Variants in PSMB2 observed in about 807,000 individuals in gnomAD.
PSMB2 encodes the protein proteasome 20S subunit beta 2, also known as proteasome subunit beta type-2.
In PSMB2, 13 loss-of-function variants were observed where a neutral mutation model predicts 25.7. The ratio of observed to expected loss-of-function variants is 0.51; its 90% CI spans 0.33 to 0.80. PSMB2 has a LOEUF of 0.80. Among genes scored for constraint, PSMB2 ranks in the 30% least tolerant of loss-of-function variants. The probability of loss-of-function intolerance (pLI) is 0.02; values close to 1 mark genes in which losing one functional copy is unlikely to be tolerated. For missense variants in PSMB2, 202 were observed against 259.0 expected (o/e 0.78, Z 1.51); for synonymous variants, 87 against 96.2 (o/e 0.90, Z 0.56).
Position 35,601,258 on chromosome 1 carries a change from A to G in PSMB2, c.*2009T>C, listed in dbSNP as rs1166799767. 6.3e-6 allele frequency: 4 copies of G among 639,398 alleles called. No individual in the cohort carries two copies. The Admixed American group carries it at 2.5e-4, about 41-fold the overall frequency. The allele number at this position is 639,398 out of a possible 1,614,324, so 39.6% of individuals were successfully genotyped here. The stretch of plus-strand genomic sequence containing the variant: ...ATTGTTATATATTTTTTTAGTAGAG[A>G]TGGGGTTTCACCATGTTGGCCAGGC... On this transcript the variant is annotated 3_prime_UTR_variant, in exon 6 of 6. Coordinates refer to ENST00000373237, the MANE Select transcript of PSMB2 (RefSeq NM_002794.5).
At chr1:35,636,630 T>G (rs1460511131) in intron 1 of PSMB2, among the ~76,000 whole-genome samples, 198 bp from the exon 2 acceptor site, 1 of 151,960 alleles carries the variant, frequency 6.6e-6, no homozygotes, top group Admixed American at 6.6e-5. Flanking sequence ...ATCCTGAACA[T>G]GTACTGACTT....
At chr1:35,629,633 A>C (rs1651030270) in intron 3 of PSMB2, among the ~76,000 whole-genome samples, 1 of 151,810 alleles carries the variant, frequency 6.6e-6, no homozygotes, top group Non-Finnish European at 1.5e-5. Context: ...ACATGGTGAA[A>C]TCCTGCCTCC....
rs1362359718 is a variant in PSMB2, at chr1:35,600,906, TTTACCTATA to T, written c.*2352_*2360del. 5.0e-5 allele frequency: 49 copies of T among 984,424 alleles called. 3 individuals are homozygous for T. The African/African-American group carries it at 5.6e-4, about 11-fold the overall frequency. 61.0% of individuals were successfully genotyped at this position (984,424 alleles called of 1,614,324 possible). On this transcript the variant is annotated 3_prime_UTR_variant, in exon 6 of 6. Transcript: ENST00000373237. ...CACATGCCAAGCCCTGAACTAAATGTTTACCTATATTACTTCATGGAATTCTCATATCTA... is the reference window on the plus strand; with the variant it reads ...CACATGCCAAGCCCTGAACTAAATGTTTACTTCATGGAATTCTCATATCTA...
intron 3 of PSMB2, among the ~76,000 whole-genome samples, chr1:35,622,209 T>C (rs1650709889): frequency 6.6e-6 from 1 of 152,070 alleles, no homozygotes; most frequent in Admixed American, 6.6e-5. Context: ...AAATTCATAT[T>C]CCTACATGAT....
At chr1:35,636,010 C>T (rs1251644995) in intron 2 of PSMB2, among the ~76,000 whole-genome samples, 1 of 151,938 alleles carries the variant, frequency 6.6e-6, no homozygotes, top group Non-Finnish European at 1.5e-5. Context: ...AGAAGGGATC[C>T]TTAAGAGGTT....
chr1:35,637,002 T>G (rs1240802284), intron 1 of PSMB2, among the ~76,000 whole-genome samples: 1 of 152,210 alleles, frequency 6.6e-6, no homozygotes, highest in East Asian at 1.9e-4. Context: ...AGAATATACA[T>G]GAAAGCTACC....
chr1:35,619,968 TC>T, intron 3 of PSMB2, among the ~76,000 whole-genome samples: 1 of 152,354 alleles, frequency 6.6e-6, no homozygotes, highest in African/African-American at 2.4e-5. Flanking sequence ...TCTTTTTTTT[TC>T]ATGAGCTGGC....
chr1:35,613,944 A>C (rs989761471), intron 3 of PSMB2, among the ~76,000 whole-genome samples: 4 of 152,252 alleles, frequency 2.6e-5, no homozygotes, highest in Non-Finnish European at 4.4e-5. Flanking sequence ...TAAACAATGC[A>C]AGTACTCAGG....
At chr1:35,628,589 AAAAAAAAATATATAT>A (rs1188491023) in intron 3 of PSMB2, among the ~76,000 whole-genome samples, 38 of 21,392 alleles carry the variant, frequency 1.8e-3, no homozygotes, top group Non-Finnish European at 2.8e-3. Flanking sequence ...AAAAAAAAAA[AAAAAAAAATATATAT>A]ATATATATAT....
In PSMB2 at chr1:35,600,948, G is replaced by A. The variant is rs1299090069; in HGVS notation, c.*2319C>T. ...ATGGAATTCTCATATCTACCACATA[G>A]AATAGGTGCTATTTCAGTCATTGTA... On this transcript the variant is annotated 3_prime_UTR_variant, in exon 6 of 6. Transcript: ENST00000373237. 5 of 984,046 alleles carry A rather than the reference G, an allele frequency of 5.1e-6. No individual in the cohort carries two copies. In the African/African-American group the frequency reaches 7.0e-5, roughly 14 times the overall value. 61.0% of individuals were successfully genotyped at this position (984,046 alleles called of 1,614,324 possible). A position where few individuals can be genotyped will look rare whatever the true frequency, so the allele number is the denominator to read the frequency against.
chr1:35,637,339 T>G (rs1375445807), intron 1 of PSMB2, among the ~76,000 whole-genome samples: 2 of 152,170 alleles, frequency 1.3e-5, no homozygotes, highest in African/African-American at 2.4e-5. Flanking sequence ...AAAGCAAAAA[T>G]TCTAGTGAAT....
chr1:35,635,072 C>T (rs904731096), intron 2 of PSMB2, among the ~76,000 whole-genome samples: 1 of 151,824 alleles, frequency 6.6e-6, no homozygotes, highest in African/African-American at 2.4e-5. Flanking sequence ...CCAGCCTGAC[C>T]AACATGGAGA....
In PSMB2 at chr1:35,601,029, G is replaced by A. The variant is rs1475936440; in HGVS notation, c.*2238C>T. 2.0e-6 allele frequency: 2 copies of A among 977,652 alleles called. No homozygotes were observed. Among genetic ancestry groups the A allele is most frequent in the East Asian group, 2.3e-4 (2 of 8,720 alleles). 60.6% of individuals were successfully genotyped at this position (977,652 alleles called of 1,614,324 possible). A position where few individuals can be genotyped will look rare whatever the true frequency, so the allele number is the denominator to read the frequency against. On this transcript the variant is annotated 3_prime_UTR_variant, in exon 6 of 6. Transcript: ENST00000373237. ...TGTGCTTTAGTAGCAGCACTCCACTGGGTAGGGCGTCAGAATCATCTGTGG... is the reference window on the plus strand; with the variant it reads ...TGTGCTTTAGTAGCAGCACTCCACTAGGTAGGGCGTCAGAATCATCTGTGG...
intron 2 of PSMB2, among the ~76,000 whole-genome samples, chr1:35,635,079 G>A (rs1352414401): frequency 1.3e-5 from 2 of 151,896 alleles, no homozygotes; most frequent in African/African-American, 4.8e-5. Flanking sequence ...GACCAACATG[G>A]AGAAACCCTG....
chr1:35,617,750 A>T (rs1295559926), intron 3 of PSMB2, among the ~76,000 whole-genome samples: 1 of 152,224 alleles, frequency 6.6e-6, no homozygotes, highest in African/African-American at 2.4e-5. Context: ...CATGGGACAC[A>T]TACACCTGGA....
At chr1:35,605,755 TG>T (rs1395831411) in intron 4 of PSMB2, among the ~76,000 whole-genome samples, 1 of 152,148 alleles carries the variant, frequency 6.6e-6, no homozygotes, top group Admixed American at 6.5e-5. Flanking sequence ...ATTCATAGGA[TG>T]GGGCTGAGAC....
rs1488844790 is a variant in PSMB2 at position 35,602,875 on chromosome 1, A to G, written c.*392T>C. On this transcript the variant is annotated 3_prime_UTR_variant, in exon 6 of 6. Coordinates refer to ENST00000373237, the MANE Select transcript of PSMB2 (RefSeq NM_002794.5). Reference sequence around the variant, plus strand: ...GTGCATGTATTATTAATTCAGGTTAATTAATTTAAAAATTTAAGTTTAAGG... The same window carrying G: ...GTGCATGTATTATTAATTCAGGTTAGTTAATTTAAAAATTTAAGTTTAAGG... The G allele has an allele frequency of 1.1e-6, 1 of 933,450 alleles. No homozygotes were observed. Among genetic ancestry groups the G allele is most frequent in the East Asian group, 1.1e-4 (1 of 9,054 alleles). 57.8% of individuals were successfully genotyped at this position (933,450 alleles called of 1,614,324 possible).
chr1:35,619,370 C>A (rs967603084), intron 3 of PSMB2, among the ~76,000 whole-genome samples: 1 of 152,166 alleles, frequency 6.6e-6, no homozygotes, highest in South Asian at 2.1e-4. Context: ...ATAAGATAGG[C>A]ATGTACTTCT....
chr1:35,628,607 ATATATATATATATATATATATATAT>A (rs1557456389), intron 3 of PSMB2, among the ~76,000 whole-genome samples: 21 of 23,624 alleles, frequency 8.9e-4, no homozygotes, highest in African/African-American at 2.3e-3. Context: ...ATATATATAT[ATATATATATATATATATATATATAT>A]TTTTTTTTTT....
Sources: gnomAD v4.1 joint callset for allele counts (sites outside exome capture counted in the v4.1 genomes callset) on GRCh38, gnomAD v4.1.1 for gene constraint, MANE v1.5 for transcripts, NCBI Gene and HGNC (gene_info 2026-07-23, HGNC 2026-07-21) for gene names.